DNER: variants seen among roughly 807,000 people sequenced by gnomAD.
The protein encoded by DNER is delta and Notch-like epidermal growth factor-related receptor.
In DNER, 33 loss-of-function variants were observed where a neutral mutation model predicts 78.2. The ratio of observed to expected loss-of-function variants is 0.42; its 90% CI spans 0.32 to 0.56. DNER has a LOEUF of 0.56. Ranked by LOEUF, DNER falls within the 20% of genes least tolerant of loss-of-function variation. The probability of loss-of-function intolerance (pLI) is 0.11; values close to 1 mark genes in which losing one functional copy is unlikely to be tolerated. For synonymous variants in DNER, 417 were observed against 384.8 expected, an observed-to-expected ratio of 1.08 and a Z score of -0.98; for missense variants, 918 against 975.3, an observed-to-expected ratio of 0.94 and a Z score of 0.78.
intron 9 of DNER, among the ~76,000 whole-genome samples, chr2:229,416,550 C>T (rs544163778): frequency 2.0e-5 from 3 of 152,290 alleles, no homozygotes; most frequent in African/African-American, 7.2e-5. Flanking sequence ...GCCTACTGTG[C>T]AATTTCCTTA....
intron 5 of DNER, among the ~76,000 whole-genome samples, chr2:229,518,045 C>T (rs1387619289): frequency 2.0e-5 from 3 of 152,206 alleles, no homozygotes; most frequent in African/African-American, 7.2e-5. Flanking sequence ...TCAGATAACA[C>T]CCAGACCCTG....
chr2:229,683,619 A>G (rs569168912), intron 1 of DNER, among the ~76,000 whole-genome samples: 132 of 152,206 alleles, frequency 8.7e-4, no homozygotes, highest in Non-Finnish European at 1.6e-3. Context: ...TGATGATGAC[A>G]ATGATGATGG....
intron 7 of DNER, 89 bp downstream of exon 7, chr2:229,477,051 G>A: frequency 1.9e-6 from 2 of 1,036,988 alleles, no homozygotes; most frequent in Non-Finnish European, 2.8e-6. Context: ...CTTGTGTAGA[G>A]TTTTGCAGAA....
At chr2:229,619,170 C>CAT (rs1268960024) in intron 1 of DNER, among the ~76,000 whole-genome samples, 3 of 151,964 alleles carry the variant, frequency 2.0e-5, no homozygotes. Context: ...CACACACACA[C>CAT]ACATACACAC....
chr2:229,574,410 A>T (rs181008138), intron 4 of DNER, among the ~76,000 whole-genome samples: 1 of 152,214 alleles, frequency 6.6e-6, no homozygotes, highest in South Asian at 2.1e-4. Flanking sequence ...ACCCTATACC[A>T]CCACAAAGAA....
intron 4 of DNER, among the ~76,000 whole-genome samples, chr2:229,555,889 T>G (rs978321789): frequency 2.0e-5 from 3 of 152,220 alleles, no homozygotes; most frequent in African/African-American, 7.2e-5. Context: ...AGTAACACTT[T>G]TACGCATAAA....
chr2:229,458,099 G>GCACTCCA (rs1288932210), intron 7 of DNER, among the ~76,000 whole-genome samples: 1 of 113,484 alleles, frequency 8.8e-6, no homozygotes, highest in Non-Finnish European at 1.6e-5. Context: ...TCACACCACT[G>GCACTCCA]CACTCCAGCC....
At chr2:229,660,416 C>T (rs192419189) in intron 1 of DNER, among the ~76,000 whole-genome samples, 40 of 152,180 alleles carry the variant, frequency 2.6e-4, no homozygotes, top group African/African-American at 9.4e-4. Flanking sequence ...GGATAGTGAC[C>T]TCCAGCTCCA....
chr2:229,439,736 T>C (rs868633743), intron 8 of DNER, among the ~76,000 whole-genome samples: 1 of 152,138 alleles, frequency 6.6e-6, no homozygotes, highest in African/African-American at 2.4e-5. Context: ...GCCATAAGCT[T>C]GATGAGAATG....
At chr2:229,533,257 G>A (rs868315327) in intron 5 of DNER, among the ~76,000 whole-genome samples, 1 of 152,076 alleles carries the variant, frequency 6.6e-6, no homozygotes, top group African/African-American at 2.4e-5. Context: ...CCAGACCTCC[G>A]GGGACTCCCT....
intron 8 of DNER, among the ~76,000 whole-genome samples, chr2:229,446,668 T>C (rs1694349556): frequency 6.6e-6 from 1 of 152,218 alleles, no homozygotes; most frequent in Admixed American, 6.5e-5. Flanking sequence ...TAGTGGGTTG[T>C]GCACACACAA....
At chr2:229,404,340 A>G (rs569782482) in intron 10 of DNER, among the ~76,000 whole-genome samples, 106 of 152,258 alleles carry the variant, frequency 7.0e-4, no homozygotes, top group African/African-American at 2.5e-3. Flanking sequence ...GGCAGAAGGC[A>G]CCTCTTCACA....
intron 1 of DNER, among the ~76,000 whole-genome samples, chr2:229,662,268 T>C (rs1699021390): frequency 6.6e-6 from 1 of 152,188 alleles, no homozygotes; most frequent in East Asian, 1.9e-4. Context: ...ATGCAGGCTA[T>C]ACTTAGTTCA....
rs1052330792 is a variant in DNER at position 229,714,154 on chromosome 2, G to T, written c.270C>A (p.Asn90Lys). 4 of 1,318,100 alleles carry T rather than the reference G, an allele frequency of 3.0e-6. No individual in the cohort carries two copies. The highest frequency in any genetic ancestry group is 3.9e-6 in the Non-Finnish European group (4 of 1,036,416). 81.7% of individuals were successfully genotyped at this position (1,318,100 alleles called of 1,614,324 possible). ...GCCCGCCGCTTCCACTCACCTGGCA[G>T]TTGGCGCCGGAGATCCCGGCGGGGC... ...CTCPAGISGA[N>K]CQLVADPCAS... Residue 90 changes from asparagine to lysine, a missense_variant, in exon 1 of 13, where the codon AAC (asparagine) becomes AAA (lysine). By Grantham distance (94) the Asn-to-Lys change is moderately conservative. Coordinates refer to ENST00000341772, the MANE Select transcript of DNER (RefSeq NM_139072.4).
intron 8 of DNER, among the ~76,000 whole-genome samples, chr2:229,433,179 C>T (rs1694051180): frequency 6.6e-6 from 1 of 152,142 alleles, no homozygotes; most frequent in African/African-American, 2.4e-5. Flanking sequence ...ACTATGTGAT[C>T]CGTCCGCCTT....
At chr2:229,415,721 A>AT (rs943595488) in intron 9 of DNER, among the ~76,000 whole-genome samples, 6 of 152,086 alleles carry the variant, frequency 3.9e-5, no homozygotes, top group Admixed American at 1.3e-4. Flanking sequence ...AGGGTGCTAT[A>AT]TTTTCTGTAT....
At chr2:229,525,964 A>T (rs1183100070) in intron 5 of DNER, among the ~76,000 whole-genome samples, 3 of 151,324 alleles carry the variant, frequency 2.0e-5, no homozygotes, top group African/African-American at 7.4e-5. Flanking sequence ...CCTATCATTC[A>T]TCTTAATTAA....
At chr2:229,451,785 T>C (rs1012338972) in intron 7 of DNER, among the ~76,000 whole-genome samples, 1 of 152,228 alleles carries the variant, frequency 6.6e-6, no homozygotes, top group Non-Finnish European at 1.5e-5. Flanking sequence ...CCAGGACTTA[T>C]GTTTCTATCC....
At chr2:229,641,392 A>G (rs943768499) in intron 1 of DNER, among the ~76,000 whole-genome samples, 6 of 152,216 alleles carry the variant, frequency 3.9e-5, no homozygotes, top group African/African-American at 1.4e-4. Flanking sequence ...ATGTGGGGAT[A>G]TGACAGAGTA....
Sources: gnomAD v4.1 joint callset for allele counts (sites outside exome capture counted in the v4.1 genomes callset) on GRCh38, gnomAD v4.1.1 for gene constraint, MANE v1.5 for transcripts, NCBI Gene and HGNC (gene_info 2026-07-23, HGNC 2026-07-21) for gene names.